The following RERE variants were observed in gnomAD, a reference collection of about 807,000 sequenced individuals.
RERE encodes arginine-glutamic acid dipeptide repeats protein.
RERE carries 40 observed loss-of-function variants against 146.1 expected under a neutral mutation model. The observed-to-expected ratio is 0.27, with a 90% CI of 0.21 to 0.36. The LOEUF (loss-of-function observed/expected upper bound fraction) is 0.36. Ranked by LOEUF, RERE falls within the 10% of genes least tolerant of loss-of-function variation. RERE has a pLI of 1.00. For synonymous variants in RERE, 1,003 were observed against 866.0 expected, an observed-to-expected ratio of 1.16 and a Z score of -2.78; for missense variants, 1,933 against 2,138.7, an observed-to-expected ratio of 0.90 and a Z score of 1.90.
intron 1 of RERE, among the ~76,000 whole-genome samples, chr1:8,684,397 A>T (rs1163672394): frequency 6.6e-6 from 1 of 152,004 alleles, no homozygotes; most frequent in Non-Finnish European, 1.5e-5. Flanking sequence ...ATTTATCATT[A>T]AAAAAAATCC....
intron 11 of RERE, among the ~76,000 whole-genome samples, chr1:8,442,527 G>C (rs899350863): frequency 6.6e-6 from 1 of 151,956 alleles, no homozygotes; most frequent in Non-Finnish European, 1.5e-5. Context: ...CCACACAGAC[G>C]CCAGCACCGT....
chr1:8,402,753 T>TA (rs35355948), intron 12 of RERE, among the ~76,000 whole-genome samples: 1 of 152,312 alleles, frequency 6.6e-6, no homozygotes, highest in Non-Finnish European at 1.5e-5. Flanking sequence ...CTTAGCCTTT[T>TA]AAAAAAAGTT....
chr1:8,522,894 G>T (rs992031602), intron 7 of RERE, among the ~76,000 whole-genome samples: 2 of 151,186 alleles, frequency 1.3e-5, no homozygotes, highest in Non-Finnish European at 2.9e-5. Context: ...AAAGAATGAA[G>T]TGTCAGGCCA....
At chr1:8,479,817 A>G (rs1397910599) in intron 10 of RERE, among the ~76,000 whole-genome samples, 1 of 152,254 alleles carries the variant, frequency 6.6e-6, no homozygotes, top group Non-Finnish European at 1.5e-5. Flanking sequence ...TACAGTAGCC[A>G]CAGGAAACAA....
Position 8,402,556 on chromosome 1 carries a change from A to G in RERE, c.1284+20171T>C, listed in dbSNP as rs570426475. On this transcript the variant is annotated intron_variant, in intron 12 of 22. Coordinates refer to ENST00000400908, the MANE Select transcript of RERE (RefSeq NM_001042681.2). ...CACAAGACTAGAGTCTCTCATGGTA[A>G]CTATCTTTGCATTCCCGGGATAACT... Among the ~76,000 whole-genome samples the G allele has an allele frequency of 3.9e-5, 6 of 152,324 alleles. No individual in the cohort carries two copies. In the South Asian group the frequency reaches 1.0e-3, roughly 26 times the overall value.
chr1:8,414,055 CAAAAAAAA>C (rs71580026), intron 12 of RERE, among the ~76,000 whole-genome samples: 2 of 91,770 alleles, frequency 2.2e-5, no homozygotes, highest in African/African-American at 9.1e-5. Context: ...AACTCCATCT[CAAAAAAAA>C]AAAAAAAAAA....
intron 1 of RERE, among the ~76,000 whole-genome samples, chr1:8,774,509 A>G (rs1248566377): frequency 6.6e-6 from 1 of 151,522 alleles, no homozygotes; most frequent in Non-Finnish European, 1.5e-5. Flanking sequence ...ATGTGCCACC[A>G]CGCCCGGCTA....
At chr1:8,541,997 T>C (rs941626646) in intron 6 of RERE, among the ~76,000 whole-genome samples, 11 of 152,200 alleles carry the variant, frequency 7.2e-5, no homozygotes, top group African/African-American at 2.7e-4. Context: ...ATTTACCACC[T>C]AAAGTTAAAC....
intron 4 of RERE, among the ~76,000 whole-genome samples, chr1:8,565,498 G>C (rs1646142971): frequency 6.6e-6 from 1 of 152,164 alleles, no homozygotes; most frequent in Non-Finnish European, 1.5e-5. Flanking sequence ...CCTGAGGTCA[G>C]GAGTTCATGA....
intron 4 of RERE, among the ~76,000 whole-genome samples, chr1:8,600,721 G>GA (rs1226337346): frequency 1.4e-5 from 2 of 145,794 alleles, no homozygotes; most frequent in Non-Finnish European, 1.5e-5. Flanking sequence ...TCAAAACACA[G>GA]AAAAAATTAC....
rs1638306076 is a variant in RERE at position 8,656,441 on chromosome 1, G to A, written c.-144C>T. ...CCAACAACCCCAACGTTTCAAAAAT[G>A]CTAGGAGAGAAAAAAGAATGGTTTT... On this transcript the variant is annotated splice_region_variant and 5_prime_UTR_variant, in exon 2 of 23. Coordinates refer to ENST00000400908, the MANE Select transcript of RERE (RefSeq NM_001042681.2). 3 of 1,093,236 alleles carry A rather than the reference G, an allele frequency of 2.7e-6. No individual in the cohort carries two copies. The highest frequency in any genetic ancestry group is 2.5e-5 in the Admixed American group (1 of 39,714). 67.7% of individuals were successfully genotyped at this position (1,093,236 alleles called of 1,614,324 possible). A position where few individuals can be genotyped will look rare whatever the true frequency, so the allele number is the denominator to read the frequency against.
rs771973378 is a variant in RERE at position 8,364,729 on chromosome 1, G to T, written c.1540+17C>A. On this transcript the variant is annotated intron_variant, in intron 14 of 22. Coordinates refer to ENST00000400908, the MANE Select transcript of RERE (RefSeq NM_001042681.2). This position sits in a 1 kb window ranked among gnomAD's most constrained non-coding sequence, Gnocchi z 5.1. ...TGTGCCCCCGCCCCGCCCCAGGAGCGTGACGAGGCCACTTACTGGTGGTGA... is the reference window on the plus strand; with the variant it reads ...TGTGCCCCCGCCCCGCCCCAGGAGCTTGACGAGGCCACTTACTGGTGGTGA... The T allele has an allele frequency of 1.0e-5, 16 of 1,600,498 alleles. No individual in the cohort carries two copies. In the South Asian group the frequency reaches 1.5e-4, roughly 15 times the overall value.
At chr1:8,678,966 C>G (rs1638905396) in intron 1 of RERE, among the ~76,000 whole-genome samples, 1 of 152,074 alleles carries the variant, frequency 6.6e-6, no homozygotes, top group Admixed American at 6.6e-5. Flanking sequence ...AAATAAATTT[C>G]AATTAAATAA....
intron 12 of RERE, among the ~76,000 whole-genome samples, chr1:8,383,784 G>T (rs191285694): frequency 1.3e-5 from 2 of 152,004 alleles, no homozygotes; most frequent in Non-Finnish European, 2.9e-5. Flanking sequence ...GCTTGAGCCC[G>T]GGAGGTGAAG....
At chr1:8,514,412 C>T (rs113024118) in intron 7 of RERE, among the ~76,000 whole-genome samples, 109 of 152,264 alleles carry the variant, frequency 7.2e-4, no homozygotes, top group African/African-American at 2.6e-3. Flanking sequence ...ACTTTTAAGT[C>T]GGGAAGCCAA....
At chr1:8,383,821 T>C (rs1642540085) in intron 12 of RERE, among the ~76,000 whole-genome samples, 5 of 151,730 alleles carry the variant, frequency 3.3e-5, no homozygotes, top group Admixed American at 3.3e-4. Context: ...ATTGCGCCAC[T>C]GCACTCCAGC....
rs201665914 is a variant in RERE, at chr1:8,656,247, T to TCGGTCC, written c.45_50dup (p.Asp20_Arg21dup). On this transcript the variant is annotated inframe_insertion, in exon 2 of 23. Transcript: ENST00000400908. ...TTTTCTCTCTCTCTCGGTCCCGGTC[T>TCGGTCC]CGGTCCCGGTCCTTCTCTTTGTCTT... 14,104 of 1,613,208 alleles carry TCGGTCC rather than the reference T, an allele frequency of 8.7e-3. 81 individuals are homozygous for TCGGTCC. The highest frequency in any genetic ancestry group is 0.01 in the Non-Finnish European group (11,967 of 1,179,242).
At chr1:8,497,843 A>G (rs1645065867) in intron 8 of RERE, among the ~76,000 whole-genome samples, 1 of 152,222 alleles carries the variant, frequency 6.6e-6, no homozygotes, top group South Asian at 2.1e-4. Flanking sequence ...AAACAAAATA[A>G]TGTCTTTAGA....
chr1:8,623,630 C>G (rs1330326432), intron 3 of RERE, among the ~76,000 whole-genome samples: 1 of 152,184 alleles, frequency 6.6e-6, no homozygotes, highest in Admixed American at 6.5e-5. Context: ...CAAATCTCTG[C>G]AGACATCCAG....
Sources: gnomAD v4.1 joint callset for allele counts (sites outside exome capture counted in the v4.1 genomes callset) on GRCh38, gnomAD v4.1.1 for gene constraint, Gnocchi (gnomAD v3.1) non-coding constraint, MANE v1.5 for transcripts, NCBI Gene and HGNC (gene_info 2026-07-23, HGNC 2026-07-21) for gene names.